Variants in PNLIPRP3 observed in about 807,000 individuals in gnomAD.
PNLIPRP3 encodes pancreatic lipase related protein 3, also known as pancreatic lipase-related protein 3.
PNLIPRP3 carries 58 observed loss-of-function variants against 52.8 expected under a neutral mutation model. The ratio of observed to expected loss-of-function variants is 1.10; its 90% CI spans 0.89 to 1.37. The LOEUF is 1.37. PNLIPRP3 is among the 40% of genes most tolerant of loss of function. The pLI is 0.00. For missense variants in PNLIPRP3, 593 were observed against 561.6 expected, an observed-to-expected ratio of 1.06 and a Z score of -0.57; for synonymous variants, 192 against 185.0, an observed-to-expected ratio of 1.04 and a Z score of -0.31.
At chr10:116,446,534 A>G (rs1235196292) in intron 4 of PNLIPRP3, among the ~76,000 whole-genome samples, 1 of 152,164 alleles carries the variant, frequency 6.6e-6, no homozygotes, top group Non-Finnish European at 1.5e-5. Flanking sequence ...TGAAAAATGT[A>G]TGCAAGTATA....
intron 4 of PNLIPRP3, among the ~76,000 whole-genome samples, chr10:116,449,451 C>A (rs1564697803): frequency 6.6e-6 from 1 of 152,122 alleles, no homozygotes; most frequent in Non-Finnish European, 1.5e-5. Flanking sequence ...GTACTTGTAT[C>A]TGACAAAATA....
chr10:116,429,756 G>C (rs1249224560), intron 1 of PNLIPRP3, among the ~76,000 whole-genome samples: 1 of 152,184 alleles, frequency 6.6e-6, no homozygotes, highest in Non-Finnish European at 1.5e-5. Context: ...GATCTGCTGA[G>C]ATGATATTTA....
chr10:116,439,468 C>T, intron 2 of PNLIPRP3: 1 of 689,330 alleles, frequency 1.5e-6, no homozygotes, highest in Non-Finnish European at 2.6e-6. Context: ...TATTCCTCCT[C>T]CTCCTCCTAT....
intron 4 of PNLIPRP3, among the ~76,000 whole-genome samples, chr10:116,451,478 T>C (rs529366714): frequency 9.9e-5 from 15 of 152,260 alleles, no homozygotes; most frequent in Admixed American, 8.5e-4. Context: ...TATGTTGAAA[T>C]GTGGTCATCA....
chr10:116,438,619 C>A (rs1340914254), intron 2 of PNLIPRP3, among the ~76,000 whole-genome samples: 2 of 152,166 alleles, frequency 1.3e-5, no homozygotes, highest in Admixed American at 6.5e-5. Context: ...TGTAGTTAAA[C>A]CAGATCTGTA....
chr10:116,464,319 G>T (rs1027954482), intron 7 of PNLIPRP3, among the ~76,000 whole-genome samples: 2 of 152,218 alleles, frequency 1.3e-5, no homozygotes, highest in Non-Finnish European at 2.9e-5. Context: ...CAGGGATATT[G>T]TGTCAGAGGT....
At chr10:116,443,571 T>C (rs1183760479) in intron 3 of PNLIPRP3, among the ~76,000 whole-genome samples, 2 of 148,630 alleles carry the variant, frequency 1.3e-5, no homozygotes, top group African/African-American at 4.9e-5. Flanking sequence ...GAAGATAACA[T>C]TAGTACCTAT....
At position 116,433,036 on chromosome 10, in the gene PNLIPRP3, C is replaced by T. The variant is rs539015655; in HGVS notation, c.50-3675C>T. 2.2e-5 allele frequency among the ~76,000 whole-genome samples: 3 copies of T among 135,910 alleles called. No individual in the cohort carries two copies. In the East Asian group the frequency reaches 7.1e-4, roughly 32 times the overall value. The allele number at this position is 135,910 out of a possible 152,430, so 89.2% of individuals were successfully genotyped here. On this transcript the variant is annotated intron_variant, in intron 1 of 11. Transcript: ENST00000369230. ...GGCTGAAGCAGGAGAATCGCTTGAACCTGGGAAGCGGAGGTTGCAGTGAGC... is the reference window on the plus strand; with the variant it reads ...GGCTGAAGCAGGAGAATCGCTTGAATCTGGGAAGCGGAGGTTGCAGTGAGC...
intron 4 of PNLIPRP3, among the ~76,000 whole-genome samples, chr10:116,445,556 T>C (rs1589979385): frequency 2.9e-5 from 1 of 34,894 alleles, no homozygotes. Flanking sequence ...ATCTTCTCTT[T>C]ATAAAAAAAA....
chr10:116,460,510 T>C (rs183146708), intron 5 of PNLIPRP3, among the ~76,000 whole-genome samples: 2 of 152,300 alleles, frequency 1.3e-5, no homozygotes, highest in African/African-American at 4.8e-5. Flanking sequence ...GTATTACTAT[T>C]AATGAAAGTA....
chr10:116,447,586 A>C (rs1433423700), intron 4 of PNLIPRP3, among the ~76,000 whole-genome samples: 3 of 152,198 alleles, frequency 2.0e-5, no homozygotes, highest in Non-Finnish European at 4.4e-5. Flanking sequence ...TGACAATTTC[A>C]ACAAGAAGAT....
intron 2 of PNLIPRP3, among the ~76,000 whole-genome samples, chr10:116,441,455 A>G (rs1845856833): frequency 6.6e-6 from 1 of 152,170 alleles, no homozygotes. Context: ...GGACTATAGT[A>G]GGTGTTTGAG....
At chr10:116,458,359 T>TA (rs1461351733) in intron 5 of PNLIPRP3, among the ~76,000 whole-genome samples, 1 of 152,164 alleles carries the variant, frequency 6.6e-6, no homozygotes, top group Admixed American at 6.5e-5. Flanking sequence ...TTGAACCTAA[T>TA]AATTCTCTTC....
chr10:116,440,838 T>G lies in PNLIPRP3; in HGVS notation c.205-2217T>G, dbSNP rs142504692. ...TCCGGTAGTTTCTGTGTCTGCAGCT[T>G]TAGTCAAGGATAGAACATACCTAAC... On this transcript the variant is annotated intron_variant, in intron 2 of 11. Coordinates refer to ENST00000369230, the MANE Select transcript of PNLIPRP3 (RefSeq NM_001011709.3). 7.0e-3 allele frequency among the ~76,000 whole-genome samples: 1,061 copies of G among 152,302 alleles called. 11 individuals carry two copies. The highest frequency in any genetic ancestry group is 0.022 in the African/African-American group (904 of 41,568).
At chr10:116,448,032 AAGAAAGAAAG>A (rs1246365986) in intron 4 of PNLIPRP3, among the ~76,000 whole-genome samples, 1 of 151,108 alleles carries the variant, frequency 6.6e-6, no homozygotes, top group Admixed American at 6.7e-5. Flanking sequence ...GAAGGAAAGA[AAGAAAGAAAG>A]AGAAAGAAAG....
intron 1 of PNLIPRP3, among the ~76,000 whole-genome samples, chr10:116,435,090 A>T (rs1312003092): frequency 2.0e-5 from 3 of 152,204 alleles, no homozygotes; most frequent in African/African-American, 7.2e-5. Context: ...AAGTGCAGTA[A>T]AGGAAATGTA....
intron 4 of PNLIPRP3, among the ~76,000 whole-genome samples, chr10:116,453,003 C>G (rs1325773238): frequency 6.6e-6 from 1 of 152,206 alleles, no homozygotes; most frequent in Non-Finnish European, 1.5e-5. Context: ...CTGGAAGATC[C>G]ATGATTATAA....
chr10:116,431,400 T>A lies in PNLIPRP3; in HGVS notation c.49+3339T>A, dbSNP rs181511638. On this transcript the variant is annotated intron_variant, in intron 1 of 11. Transcript: ENST00000369230. ...TCCTAGCATTAACCCCTGCTCCTCA[T>A]CCACCTACCCCTATTCAAACTCCTG... Among the ~76,000 whole-genome samples the A allele has an allele frequency of 1.1e-3, 169 of 152,232 alleles. 2 individuals are homozygous for A. The highest frequency in any genetic ancestry group is 3.8e-3 in the African/African-American group (156 of 41,546).
intron 4 of PNLIPRP3, among the ~76,000 whole-genome samples, chr10:116,452,247 G>A (rs921863088): frequency 2.6e-5 from 4 of 152,196 alleles, no homozygotes; most frequent in Non-Finnish European, 5.9e-5. Flanking sequence ...ATATGACCTG[G>A]CTGCTTCTAA....
Sources: gnomAD v4.1 joint callset for allele counts (sites outside exome capture counted in the v4.1 genomes callset) on GRCh38, gnomAD v4.1.1 for gene constraint, MANE v1.5 for transcripts, NCBI Gene and HGNC (gene_info 2026-07-23, HGNC 2026-07-21) for gene names.